The following AMOTL1 variants were observed in gnomAD, a reference collection of about 807,000 sequenced individuals.
AMOTL1 encodes the protein angiomotin-like protein 1.
A neutral mutation model predicts 102.9 loss-of-function variants in AMOTL1; 45 were observed. The ratio of observed to expected loss-of-function variants is 0.44; its 90% CI spans 0.34 to 0.56. The LOEUF is 0.56. Ranked by LOEUF, AMOTL1 falls within the 20% of genes least tolerant of loss-of-function variation. The probability of loss-of-function intolerance (pLI) is 0.01; values close to 1 mark genes in which losing one functional copy is unlikely to be tolerated. For synonymous variants in AMOTL1, 481 were observed against 484.7 expected (o/e 0.99, Z 0.10); for missense variants, 1,114 against 1,225.6 (o/e 0.91, Z 1.36).
chr11:94,785,021 T>C (rs773591511), intron 1 of AMOTL1, among the ~76,000 whole-genome samples: 11 of 151,790 alleles, frequency 7.2e-5, no homozygotes, highest in Non-Finnish European at 1.2e-4. Context: ...ATGGAAGTGA[T>C]GAGGAAGGGT....
intron 8 of AMOTL1, among the ~76,000 whole-genome samples, chr11:94,855,685 C>T (rs116141976): frequency 1.9e-3 from 293 of 152,288 alleles, no homozygotes; most frequent in African/African-American, 6.8e-3. Context: ...GACTCACCTC[C>T]GTTATCCTTG....
Position 94,821,700 on chromosome 11 carries a change from G to T in AMOTL1, c.1292G>T (p.Gly431Val), listed in dbSNP as rs1951869663. 6.2e-7 allele frequency: 1 copy of T among 1,613,900 alleles called. No homozygotes were observed. Among genetic ancestry groups the T allele is most frequent in the Non-Finnish European group, 8.5e-7 (1 of 1,179,906 alleles). Residue 431 changes from glycine to valine, a missense_variant, in exon 4 of 13, where the codon GGT (glycine) becomes GTT (valine). Transcript: ENST00000433060. ...PPAASPSQQL[G>V]PDAFAIVERA... ...GCCGCCTCCCCCAGCCAGCAGCTTGGTCCAGATGCCTTTGCGATTGTGGAG... is the reference window on the plus strand; with the variant it reads ...GCCGCCTCCCCCAGCCAGCAGCTTGTTCCAGATGCCTTTGCGATTGTGGAG...
In AMOTL1 at chr11:94,827,189, A is replaced by G. The variant is rs542471931; in HGVS notation, c.1414-2861A>G. Among the ~76,000 whole-genome samples the G allele has an allele frequency of 2.2e-3, 331 of 152,366 alleles. 2 individuals are homozygous for G. Among genetic ancestry groups the G allele is most frequent in the African/African-American group, 7.8e-3 (323 of 41,574 alleles). On this transcript the variant is annotated intron_variant, in intron 4 of 12. Coordinates refer to ENST00000433060, the MANE Select transcript of AMOTL1 (RefSeq NM_130847.3). ...GTCGAATCAGAGCCGCACAGTGCAG[A>G]TGCAGATTAGAATTCCAATGAGGGA...
intron 1 of AMOTL1, among the ~76,000 whole-genome samples, chr11:94,786,939 A>G (rs1951198971): frequency 6.6e-6 from 1 of 152,246 alleles, no homozygotes; most frequent in African/African-American, 2.4e-5. Context: ...ATTCATTGGT[A>G]AAATAAATAT....
chr11:94,743,375 C>T (rs993652871), intron 3 of AMOTL1, among the ~76,000 whole-genome samples: 4 of 152,214 alleles, frequency 2.6e-5, no homozygotes, highest in African/African-American at 9.6e-5. Flanking sequence ...GGGTTATTCT[C>T]TCCATGACAG....
intron 1 of AMOTL1, among the ~76,000 whole-genome samples, chr11:94,725,429 C>A (rs1295840986): frequency 1.1e-4 from 17 of 152,164 alleles, no homozygotes; most frequent in Admixed American, 1.1e-3. Flanking sequence ...CCAAACAACA[C>A]TATTCATTCA....
At chr11:94,847,207 G>A (rs1279204964) in intron 6 of AMOTL1, among the ~76,000 whole-genome samples, 1 of 152,202 alleles carries the variant, frequency 6.6e-6, no homozygotes, top group African/African-American at 2.4e-5. Flanking sequence ...GGTTTAGGGA[G>A]CCTGGGCAGA....
intron 11 of AMOTL1, among the ~76,000 whole-genome samples, chr11:94,867,843 G>A (rs563456118): frequency 1.3e-5 from 2 of 152,238 alleles, no homozygotes; most frequent in Non-Finnish European, 2.9e-5. Context: ...GAAGTGGAAA[G>A]AACATAGGTT....
intron 1 of AMOTL1, among the ~76,000 whole-genome samples, chr11:94,771,607 A>G (rs768893126): frequency 5.3e-5 from 8 of 152,130 alleles, no homozygotes; most frequent in Non-Finnish European, 8.8e-5. Context: ...AATCTTGGCC[A>G]TTGTGGGTAG....
At position 94,859,732 on chromosome 11, in the gene AMOTL1, T is replaced by G. The variant is rs1314165685; in HGVS notation, c.2135+17T>G. On this transcript the variant is annotated intron_variant, in intron 9 of 12. Transcript: ENST00000433060. The stretch of plus-strand genomic sequence containing the variant: ...AGCTGAGAGGTGAGACCAGTGGAAC[T>G]CTGGTGGTCATAAAAGCACAGTTAA... 1.3e-6 allele frequency: 2 copies of G among 1,584,152 alleles called. No homozygotes were observed. The highest frequency in any genetic ancestry group is 3.6e-5 in the Admixed American group (2 of 56,166).
In AMOTL1 at chr11:94,752,269, C is replaced by T. The variant is rs112522423; in HGVS notation, c.136+11281C>T. Among the ~76,000 whole-genome samples the T allele has an allele frequency of 5.8e-3, 885 of 152,218 alleles. 7 individuals carry two copies. Among genetic ancestry groups the T allele is most frequent in the African/African-American group, 0.02 (828 of 41,524 alleles). The stretch of plus-strand genomic sequence containing the variant: ...TAAGTCAGTTGCACCCTCCTCAGCC[C>T]CCACTCACCTCCTCTTGCTCCCTCC... On this transcript the variant is annotated intron_variant, in intron 3 of 4. Coordinates refer to the AMOTL1 transcript ENST00000299004.
chr11:94,780,005 A>G (rs1369011755), intron 1 of AMOTL1, among the ~76,000 whole-genome samples: 4 of 152,216 alleles, frequency 2.6e-5, no homozygotes, highest in East Asian at 3.8e-4. Context: ...AGTTTTTCCT[A>G]TGTTGTCAGT....
intron 1 of AMOTL1, among the ~76,000 whole-genome samples, chr11:94,711,609 T>C (rs1202797897): frequency 1.3e-5 from 2 of 152,156 alleles, no homozygotes; most frequent in East Asian, 3.9e-4. Context: ...CATGGTCCCA[T>C]CCCTAACCCT....
chr11:94,723,568 C>T (rs938566678), intron 1 of AMOTL1, among the ~76,000 whole-genome samples: 2 of 152,024 alleles, frequency 1.3e-5, no homozygotes, highest in Non-Finnish European at 2.9e-5. Flanking sequence ...AATACTCTGC[C>T]CAGTTGGATA....
intron 2 of AMOTL1, among the ~76,000 whole-genome samples, chr11:94,738,995 G>A (rs1296636543): frequency 6.6e-6 from 1 of 152,076 alleles, no homozygotes; most frequent in Non-Finnish European, 1.5e-5. Context: ...TGTAGATGGA[G>A]AAAAATAAGA....
At chr11:94,785,468 C>T (rs1951171547) in intron 1 of AMOTL1, among the ~76,000 whole-genome samples, 15 of 152,112 alleles carry the variant, frequency 9.9e-5, no homozygotes, top group Admixed American at 9.2e-4. Flanking sequence ...CTAATAAGCA[C>T]TCAATAAATG....
Position 94,821,830 on chromosome 11 carries a change from C to A in AMOTL1, c.1413+9C>A, listed in dbSNP as rs1174279441. 6.2e-7 allele frequency: 1 copy of A among 1,611,508 alleles called. No individual in the cohort carries two copies. Among genetic ancestry groups the A allele is most frequent in the Non-Finnish European group, 8.5e-7 (1 of 1,178,170 alleles). On this transcript the variant is annotated intron_variant, in intron 4 of 12. Transcript: ENST00000433060. ...CCGACAAGCTCCACAAGGTGCGTGA[C>A]TTCCCTGGGGAATGGGAGGGAGACA... is the stretch of plus-strand genomic sequence containing the variant.
At chr11:94,829,519 T>C (rs1054969926) in intron 4 of AMOTL1, among the ~76,000 whole-genome samples, 10 of 152,064 alleles carry the variant, frequency 6.6e-5, no homozygotes, top group Non-Finnish European at 1.5e-4. Flanking sequence ...CTGCACCATA[T>C]AGATAATTTT....
At chr11:94,728,906 C>T in intron 1 of AMOTL1, 2 of 1,134,566 alleles carry the variant, frequency 1.8e-6, no homozygotes, top group Admixed American at 5.3e-5. Context: ...TTTTTATATT[C>T]ATTATTTATT....
Sources: allele counts gnomAD v4.1 joint callset (sites outside exome capture counted in the v4.1 genomes callset), GRCh38; gene constraint gnomAD v4.1.1; transcripts MANE v1.5; gene names NCBI Gene and HGNC (gene_info 2026-07-23, HGNC 2026-07-21).